The following SGMS1 variants were observed in gnomAD, a reference collection of about 807,000 sequenced individuals.
SGMS1 encodes the protein phosphatidylcholine:ceramide cholinephosphotransferase 1.
In SGMS1, 13 loss-of-function variants were observed where a neutral mutation model predicts 46.2. The observed-to-expected ratio is 0.28, with a 90% CI of 0.18 to 0.45. The LOEUF (loss-of-function observed/expected upper bound fraction) is 0.45. Ranked by LOEUF, SGMS1 falls within the 20% of genes least tolerant of loss-of-function variation. The pLI, the probability that SGMS1 is intolerant of heterozygous loss-of-function variation, is 1.00. For synonymous variants in SGMS1, 203 were observed against 187.8 expected, an observed-to-expected ratio of 1.08 and a Z score of -0.66; for missense variants, 324 against 519.9, an observed-to-expected ratio of 0.62 and a Z score of 3.66.
At chr10:50,443,799 A>G (rs1440479393) in intron 5 of SGMS1, among the ~76,000 whole-genome samples, 1 of 152,102 alleles carries the variant, frequency 6.6e-6, no homozygotes, top group Non-Finnish European at 1.5e-5. Flanking sequence ...TATTAAAAGT[A>G]TAATATTGTA....
intron 2 of SGMS1, among the ~76,000 whole-genome samples, chr10:50,553,172 C>A (rs1425028744): frequency 6.6e-6 from 1 of 152,198 alleles, no homozygotes; most frequent in Non-Finnish European, 1.5e-5. Context: ...ACAATAAGCT[C>A]ACAATTAGCC....
chr10:50,429,439 C>CT (rs1247958619), intron 6 of SGMS1, among the ~76,000 whole-genome samples: 1 of 152,114 alleles, frequency 6.6e-6, no homozygotes, highest in Non-Finnish European at 1.5e-5. Flanking sequence ...TAAGTACACT[C>CT]TATTATGTTG....
chr10:50,606,854 T>C (rs186198480), intron 1 of SGMS1, among the ~76,000 whole-genome samples: 73 of 152,320 alleles, frequency 4.8e-4, no homozygotes, highest in African/African-American at 1.8e-3. Context: ...TCCAGATGTA[T>C]CCTAGAATCT....
chr10:50,572,122 T>A (rs73318745), intron 2 of SGMS1, among the ~76,000 whole-genome samples: 2,456 of 152,260 alleles, frequency 0.016, 67 homozygotes, highest in African/African-American at 0.056. Context: ...CACACTGTGT[T>A]GTGTAAGTCC....
At chr10:50,616,552 C>T in intron 1 of SGMS1, among the ~76,000 whole-genome samples, 1 of 152,190 alleles carries the variant, frequency 6.6e-6, no homozygotes, top group East Asian at 1.9e-4. Flanking sequence ...TTAAACCCTT[C>T]AGCAGCCTCC....
intron 6 of SGMS1, among the ~76,000 whole-genome samples, chr10:50,382,081 T>C (rs1461091421): frequency 6.6e-6 from 1 of 152,172 alleles, no homozygotes; most frequent in Non-Finnish European, 1.5e-5. Context: ...ATGGTTAGAG[T>C]ATATCTTGAT....
chr10:50,384,864 C>T (rs1239213067), intron 6 of SGMS1, among the ~76,000 whole-genome samples: 1 of 152,172 alleles, frequency 6.6e-6, no homozygotes, highest in Non-Finnish European at 1.5e-5. Context: ...GAGGATAGTA[C>T]AATGATCAAA....
At chr10:50,606,734 C>T (rs558911681) in intron 1 of SGMS1, among the ~76,000 whole-genome samples, 13 of 152,288 alleles carry the variant, frequency 8.5e-5, no homozygotes, top group African/African-American at 2.9e-4. Context: ...GATTGCATCA[C>T]CGTGTAAGTA....
At chr10:50,624,894 G>A (rs976756384), upstream of SGMS1, 3 of 1,002,058 alleles carry the variant, frequency 3.0e-6, no homozygotes, top group African/African-American at 3.5e-5. Flanking sequence ...AGCGGGGGAA[G>A]GGGCGCGGCT....
chr10:50,410,999 T>A (rs1304455898), intron 6 of SGMS1, among the ~76,000 whole-genome samples: 1 of 152,210 alleles, frequency 6.6e-6, no homozygotes, highest in African/African-American at 2.4e-5. Flanking sequence ...GTTAGTTTAA[T>A]AATTTCTTTT....
chr10:50,341,978 T>C (rs11005262), intron 7 of SGMS1, among the ~76,000 whole-genome samples: 23,489 of 152,146 alleles, frequency 0.15, 2,253 homozygotes, highest in Admixed American at 0.22. Context: ...TTACTCAAAG[T>C]TATATTGTGG....
At chr10:50,563,764 A>T (rs1838263603) in intron 2 of SGMS1, among the ~76,000 whole-genome samples, 2 of 151,414 alleles carry the variant, frequency 1.3e-5, no homozygotes, top group South Asian at 4.1e-4. Context: ...AAAAAAAAAA[A>T]AAGAAACTCT....
chr10:50,433,643 C>T (rs568377946), intron 5 of SGMS1, 87 bp from the exon 6 acceptor site: 2 of 152,354 alleles, frequency 1.3e-5, no homozygotes, highest in African/African-American at 2.4e-5. Flanking sequence ...TCTTCACACA[C>T]AAGACATAGA....
At chr10:50,576,501 C>T (rs1202826035) in intron 2 of SGMS1, among the ~76,000 whole-genome samples, 4 of 152,194 alleles carry the variant, frequency 2.6e-5, no homozygotes, top group Non-Finnish European at 5.9e-5. Flanking sequence ...TCTTCTCATC[C>T]CCCTCCAAAA....
intron 6 of SGMS1, among the ~76,000 whole-genome samples, chr10:50,359,540 T>TGTA (rs1186761778): frequency 6.6e-6 from 1 of 152,212 alleles, no homozygotes; most frequent in Non-Finnish European, 1.5e-5. Flanking sequence ...AATACTGTTT[T>TGTA]ATACATTTCA....
In SGMS1 at chr10:50,572,453, G is replaced by A. The variant is rs115040037; in HGVS notation, c.-589+17700C>T. On this transcript the variant is annotated intron_variant, in intron 2 of 10. Transcript: ENST00000361781. ...TGACAGAATTCACTGTTTCAAATGT[G>A]CTCTGCAGTGTTGTCAAGGTCTCTT... 8.0e-3 allele frequency among the ~76,000 whole-genome samples: 1,215 copies of A among 152,214 alleles called. 15 individuals carry two copies. Among genetic ancestry groups the A allele is most frequent in the African/African-American group, 0.028 (1,149 of 41,522 alleles).
chr10:50,467,396 T>C (rs1274244249), intron 3 of SGMS1, among the ~76,000 whole-genome samples: 4 of 148,796 alleles, frequency 2.7e-5, no homozygotes, highest in South Asian at 4.2e-4. Context: ...ACAGACCACA[T>C]ACATAAGTGT....
chr10:50,613,686 T>A (rs1838770994), intron 1 of SGMS1, among the ~76,000 whole-genome samples: 1 of 152,222 alleles, frequency 6.6e-6, no homozygotes, highest in Admixed American at 6.5e-5. Flanking sequence ...AAATACAACT[T>A]ACTTGTATTG....
intron 1 of SGMS1, among the ~76,000 whole-genome samples, chr10:50,617,335 G>A (rs1838807730): frequency 6.6e-6 from 1 of 152,134 alleles, no homozygotes; most frequent in African/African-American, 2.4e-5. Context: ...GTACTATACT[G>A]TATGGTCCAT....
Sources: allele counts gnomAD v4.1 joint callset (sites outside exome capture counted in the v4.1 genomes callset), GRCh38; gene constraint gnomAD v4.1.1; transcripts MANE v1.5; gene names NCBI Gene and HGNC (gene_info 2026-07-23, HGNC 2026-07-21).